Variants in PPM1M observed in about 807,000 individuals in gnomAD.
The protein encoded by PPM1M is protein phosphatase 1M.
PPM1M carries 44 observed loss-of-function variants against 50.8 expected under a neutral mutation model. That is an observed-to-expected ratio of 0.87 (90% CI 0.68 to 1.11). PPM1M has a LOEUF of 1.11. Among genes scored for constraint, PPM1M ranks in the 50% most tolerant of loss-of-function variants. The probability of loss-of-function intolerance (pLI) is 0.00; values close to 1 mark genes in which losing one functional copy is unlikely to be tolerated. For synonymous variants in PPM1M, 224 were observed against 242.9 expected (o/e 0.92, Z 0.72); for missense variants, 556 against 593.4 (o/e 0.94, Z 0.66).
At chr3:52,246,141 A>G in intron 1 of PPM1M, 93 bp downstream of exon 1, 4 of 1,041,628 alleles carry the variant, frequency 3.8e-6, no homozygotes, top group South Asian at 2.6e-5. Flanking sequence ...GCTGAGTGAC[A>G]GTCCCCACCC....
chr3:52,249,562 T>C, intron 9 of PPM1M, 108 bp from the exon 10 acceptor site: 1 of 1,501,596 alleles, frequency 6.7e-7, no homozygotes, highest in East Asian at 2.3e-5. Flanking sequence ...ACAGTCGGAC[T>C]GCATTGCTTG....
chr3:52,245,886 C>A lies in PPM1M; in HGVS notation c.62C>A (p.Pro21Gln). Residue 21 changes from proline to glutamine, a missense_variant, in exon 1 of 10, where the codon CCG becomes CAG. Coordinates refer to ENST00000323588, the MANE Select transcript of PPM1M (RefSeq NM_144641.4). The surrounding 1 kb of genome is among the most constrained non-coding windows in gnomAD (Gnocchi z 4.8). Reference sequence around the variant, plus strand: ...GGGGAGCCGCTCCCCGCGCCGCGGCCGCCTGGGCCGCATGCCAGCCCCGTG... The same window carrying A: ...GGGGAGCCGCTCCCCGCGCCGCGGCAGCCTGGGCCGCATGCCAGCCCCGTG... ...LPGEPLPAPR[P>Q]PGPHASPVPY... 1 of 1,132,732 alleles carries A rather than the reference C, an allele frequency of 8.8e-7. No individual in the cohort carries two copies. Among genetic ancestry groups the A allele is most frequent in the South Asian group, 1.8e-5 (1 of 56,348 alleles). 70.2% of individuals were successfully genotyped at this position (1,132,732 alleles called of 1,614,324 possible).
chr3:52,249,289 G>A lies in PPM1M; in HGVS notation c.1202G>A (p.Ser401Asn). 2 of 1,610,982 alleles carry A rather than the reference G, an allele frequency of 1.2e-6. No homozygotes were observed. The highest frequency in any genetic ancestry group is 1.7e-6 in the Non-Finnish European group (2 of 1,178,516). The change falls in exon 9 of 10, where the codon AGC becomes AAC. Residue 401 changes from serine to asparagine, a missense_variant. Transcript: ENST00000323588. ...GAGCAGGTGGCATGGCTGGTGCGGA[G>A]CTTCCTCCCTGGGAACCAAGAGGAC... The part of the protein sequence containing the change: ...SNEQVAWLVR[S>N]FLPGNQEDPH...
chr3:52,246,359 C>CT, intron 1 of PPM1M: 1 of 1,051,642 alleles, frequency 9.5e-7, no homozygotes, highest in Non-Finnish European at 1.2e-6. Context: ...CCCTCGCCCT[C>CT]TACCCCCACC....
At chr3:52,248,924 T>G (rs745624409) in intron 7 of PPM1M, 32 bp from the exon 8 acceptor site, 1 of 1,532,960 alleles carries the variant, frequency 6.5e-7, no homozygotes. Flanking sequence ...CTGGAGCTGT[T>G]TGCCATCGCC....
chr3:52,248,181 C>A lies in PPM1M; in HGVS notation c.739C>A (p.Arg247=), dbSNP rs758106545. The part of the protein sequence containing the change: ...RAILVRRDEI[R]PLSFEFTPET... The stretch of plus-strand genomic sequence containing the variant: ...CATCTTGGTGCGGAGAGATGAGATA[C>A]GGCCACTGAGCTTCGAGTTCACCCC... The change falls in exon 5 of 10, where the codon CGG becomes AGG. Residue 247 remains arginine, a synonymous_variant. Coordinates refer to ENST00000323588, the MANE Select transcript of PPM1M (RefSeq NM_144641.4). The A allele has an allele frequency of 1.9e-6, 3 of 1,613,088 alleles. No individual in the cohort carries two copies. The highest frequency in any genetic ancestry group is 1.3e-5 in the African/African-American group (1 of 75,006).
rs777808864 is a variant in PPM1M at position 52,249,631 on chromosome 3, C to T, written c.1236-39C>T. 218 of 1,610,834 alleles carry T rather than the reference C, an allele frequency of 1.4e-4. 2 individuals carry two copies. Among genetic ancestry groups the T allele is most frequent in the South Asian group, 1.0e-3 (91 of 90,946 alleles). On this transcript the variant is annotated intron_variant, in intron 9 of 9. Transcript: ENST00000323588. The stretch of plus-strand genomic sequence containing the variant: ...CCTAAGGTCTGGCCTTGCCCCTTTG[C>T]TCTGCCCCTGAAGTCTATCTGCAGG...
In PPM1M at chr3:52,249,065, T is replaced by A. The variant is rs1407788460; in HGVS notation, c.1086+2T>A. 1 of 1,608,620 alleles carries A rather than the reference T, an allele frequency of 6.2e-7. No homozygotes were observed. The highest frequency in any genetic ancestry group is 1.1e-5 in the South Asian group (1 of 90,180). On this transcript the variant is annotated splice_donor_variant, in intron 8 of 9. Transcript: ENST00000323588. LOFTEE classifies it high-confidence loss of function. Reference sequence around the variant, plus strand: ...CCCTTCTTGCTCTCTGTGCCACAGGTAAGGGGGCAACGCTGTCCAACCCAG... The same window carrying A: ...CCCTTCTTGCTCTCTGTGCCACAGGAAAGGGGGCAACGCTGTCCAACCCAG...
rs762381712 is a variant in PPM1M at position 52,248,373 on chromosome 3, C to T, written c.834C>T (p.Thr278=). 1.2e-6 allele frequency: 2 copies of T among 1,613,526 alleles called. No homozygotes were observed. The highest frequency in any genetic ancestry group is 1.7e-6 in the Non-Finnish European group (2 of 1,179,704). ...CTGAGCTTCTGGCTGGTGAGTTCAC[C>T]CGACTGGAGTTCCCTCGGCGGCTGA... ...VYPELLAGEF[T]RLEFPRRLKG... is the part of the protein sequence containing the mutation. Residue 278 remains threonine (T), a synonymous_variant, in exon 6 of 10, where the codon ACC becomes ACT. Coordinates refer to ENST00000323588, the MANE Select transcript of PPM1M (RefSeq NM_144641.4).
intron 1 of PPM1M, 120 bp from the exon 2 acceptor site, chr3:52,246,575 C>T: frequency 3.6e-6 from 2 of 561,490 alleles, no homozygotes; most frequent in South Asian, 1.7e-5. Flanking sequence ...GTGTTAGGGA[C>T]AGCACTGGGG....
rs190045522 is a variant in PPM1M, at chr3:52,247,179, G to A, written c.548G>A (p.Arg183Lys). 6.8e-6 allele frequency: 11 copies of A among 1,613,482 alleles called. No individual in the cohort carries two copies. In the East Asian group the frequency reaches 2.0e-4, roughly 29 times the overall value. Residue 183 changes from arginine to lysine, a missense_variant, in exon 3 of 10, where the codon AGG becomes AAG. Transcript: ENST00000323588. ...CAGTTTGTGGAGGAAAAGGGCATCA[G>A]GGCAGAAGACTTGGTGATCGGGGCA... The part of the protein sequence containing the change: ...DPQFVEEKGI[R>K]AEDLVIGALE...
chr3:52,246,094 C>G (rs1559446165), intron 1 of PPM1M, 46 bp downstream of exon 1: 2 of 1,042,308 alleles, frequency 1.9e-6, no homozygotes, highest in Non-Finnish European at 2.3e-6. Context: ...GGCCTGAACC[C>G]GCTTCGGGTC....
chr3:52,246,549 G>A, intron 1 of PPM1M, 146 bp from the exon 2 acceptor site: 1 of 492,378 alleles, frequency 2.0e-6, no homozygotes, highest in South Asian at 2.0e-5. Flanking sequence ...AGCTTACATC[G>A]TGGTTGTCTA....
intron 7 of PPM1M, 36 bp downstream of exon 7, chr3:52,248,736 T>C (rs1699908797): frequency 1.1e-5 from 17 of 1,602,560 alleles, no homozygotes; most frequent in East Asian, 2.2e-5. Context: ...CAAGAATCCC[T>C]CTTCATTGTC....
Position 52,245,980 on chromosome 3 carries a change from C to T in PPM1M, c.156C>T (p.Arg52=). 8.0e-7 allele frequency: 1 copy of T among 1,249,512 alleles called. No homozygotes were observed. Among genetic ancestry groups the T allele is most frequent in the Non-Finnish European group, 1.0e-6 (1 of 970,738 alleles). 77.4% of individuals were successfully genotyped at this position (1,249,512 alleles called of 1,614,324 possible). A position where few individuals can be genotyped will look rare whatever the true frequency, so the allele number is the denominator to read the frequency against. The change falls in exon 1 of 10, where the codon CGC becomes CGT. Residue 52 remains arginine (R), a synonymous_variant. Transcript: ENST00000323588. The surrounding 1 kb of genome is among the most constrained non-coding windows in gnomAD (Gnocchi z 4.8). ...SSPGAADASR[R]PDSRPVRSPA... ...CCGGGGCGGCCGACGCCTCGCGCCG[C>T]CCAGACTCCCGGCCCGTGCGCAGCC...
chr3:52,249,582 G>A (rs1424724994), intron 9 of PPM1M, 88 bp from the exon 10 acceptor site: 1 of 1,572,468 alleles, frequency 6.4e-7, no homozygotes, highest in African/African-American at 1.3e-5. Context: ...GGGTCCCCAT[G>A]TCCAGCCTTG....
intron 9 of PPM1M, 98 bp from the exon 10 acceptor site, chr3:52,249,572 G>A: frequency 2.6e-6 from 4 of 1,541,790 alleles, no homozygotes; most frequent in Non-Finnish European, 3.5e-6. Flanking sequence ...TGCATTGCTT[G>A]GGTCCCCATG....
At chr3:52,249,612 G>T in intron 9 of PPM1M, 58 bp from the exon 10 acceptor site, 1 of 1,606,058 alleles carries the variant, frequency 6.2e-7, no homozygotes, top group Non-Finnish European at 8.5e-7. Flanking sequence ...TTCTCCTAAG[G>T]TCTGGCCTTG....
intron 3 of PPM1M, 70 bp from the exon 4 acceptor site, chr3:52,247,611 GT>G: frequency 2.0e-6 from 2 of 1,016,704 alleles, no homozygotes; most frequent in Non-Finnish European, 3.0e-6. Flanking sequence ...GTAGGGTAGG[GT>G]GGGGATTGAG....
Sources: allele counts gnomAD v4.1 joint callset, GRCh38; gene constraint gnomAD v4.1.1; non-coding constraint Gnocchi (gnomAD v3.1); transcripts MANE v1.5; gene names NCBI Gene and HGNC (gene_info 2026-07-23, HGNC 2026-07-21).